BACH2: variants seen among roughly 807,000 people sequenced by gnomAD.
The protein encoded by BACH2 is BACH transcriptional regulator 2.
BACH2 carries 5 observed loss-of-function variants against 61.8 expected under a neutral mutation model. That is an observed-to-expected ratio of 0.08 (90% confidence interval 0.04 to 0.17). BACH2 has a LOEUF of 0.17. Ranked by LOEUF, BACH2 falls within the 10% of genes least tolerant of loss-of-function variation. The pLI is 1.00. For synonymous variants in BACH2, 446 were observed against 440.1 expected (o/e 1.01, Z -0.17); for missense variants, 824 against 1,091.1 (o/e 0.76, Z 3.45).
chr6:90,075,661 C>A (rs1781444176), intron 5 of BACH2, among the ~76,000 whole-genome samples: 1 of 152,120 alleles, frequency 6.6e-6, no homozygotes, highest in African/African-American at 2.4e-5. Flanking sequence ...GACCCTGTTT[C>A]AGAAAACCTG....
chr6:90,053,734 T>C (rs753342750), intron 5 of BACH2, among the ~76,000 whole-genome samples: 13 of 152,362 alleles, frequency 8.5e-5, no homozygotes, highest in Admixed American at 2.0e-4. Flanking sequence ...CTCAGAACTT[T>C]GAAAATATTT....
intron 6 of BACH2, among the ~76,000 whole-genome samples, chr6:89,988,897 A>C (rs1053185546): frequency 6.6e-6 from 1 of 152,214 alleles, no homozygotes; most frequent in Non-Finnish European, 1.5e-5. Flanking sequence ...AATGGTTAGC[A>C]CCTGACTCTG....
intron 5 of BACH2, among the ~76,000 whole-genome samples, chr6:90,035,647 A>T (rs1339788460): frequency 6.6e-6 from 1 of 151,988 alleles, no homozygotes. Context: ...CTCATTCTGG[A>T]GTATGCCAGG....
chr6:90,236,295 C>T (rs899491999), intron 3 of BACH2, among the ~76,000 whole-genome samples: 31 of 152,170 alleles, frequency 2.0e-4, no homozygotes, highest in African/African-American at 6.5e-4. Context: ...GAGGAAGGCA[C>T]GTCAACTAAC....
chr6:90,240,482 C>A (rs897714456), intron 3 of BACH2, among the ~76,000 whole-genome samples: 40 of 152,128 alleles, frequency 2.6e-4, no homozygotes, highest in African/African-American at 9.2e-4. Context: ...CATTAAATAT[C>A]CTGCTATTGT....
At chr6:90,023,556 T>C (rs1778489629) in intron 5 of BACH2, among the ~76,000 whole-genome samples, 1 of 152,162 alleles carries the variant, frequency 6.6e-6, no homozygotes, top group Non-Finnish European at 1.5e-5. Context: ...CTTTTCTTTA[T>C]AAATTACTCA....
At chr6:90,206,386 A>C (rs1432012994) in intron 4 of BACH2, among the ~76,000 whole-genome samples, 183 bp downstream of exon 4, 1 of 152,156 alleles carries the variant, frequency 6.6e-6, no homozygotes, top group Non-Finnish European at 1.5e-5. Flanking sequence ...CCAGAGGACT[A>C]CGCAGCCAGA....
Position 90,008,678 on chromosome 6 carries a change from G to A in BACH2, c.167C>T (p.Ala56Val), listed in dbSNP as rs1469024903. Reference sequence around the variant, plus strand: ...CTGCCAAAAATATTCACTGCATGCGGCCAGCACAGCCCGGTGGGCCCGGAA... The same window carrying A: ...CTGCCAAAAATATTCACTGCATGCGACCAGCACAGCCCGGTGGGCCCGGAA... ...KEFRAHRAVL[A>V]ACSEYFWQAL... The change falls in exon 6 of 9, where the codon GCC becomes GTC. Residue 56 changes from alanine to valine, a missense_variant. Around this residue, in one of 8 missense-constraint regions of BACH2, gnomAD observed 66 missense variants for 144.8 expected, o/e 0.46. Coordinates refer to ENST00000257749, the MANE Select transcript of BACH2 (RefSeq NM_021813.4). This position sits in a 1 kb window ranked among gnomAD's most constrained non-coding sequence, Gnocchi z 4.1. The A allele has an allele frequency of 1.2e-6, 2 of 1,614,162 alleles. No individual in the cohort carries two copies. The highest frequency in any genetic ancestry group is 2.2e-5 in the South Asian group (2 of 91,082).
intron 4 of BACH2, among the ~76,000 whole-genome samples, chr6:90,164,612 A>C (rs1056246940): frequency 2.0e-4 from 30 of 152,304 alleles, no homozygotes; most frequent in Admixed American, 1.8e-3. Flanking sequence ...CACAACCAAA[A>C]AAGAGAATTT....
At chr6:90,207,652 T>G (rs931057419) in intron 3 of BACH2, among the ~76,000 whole-genome samples, 2 of 152,126 alleles carry the variant, frequency 1.3e-5, no homozygotes, top group African/African-American at 4.8e-5. Context: ...TAACTGGAAC[T>G]GCAGTGCTTT....
At chr6:90,200,276 A>C (rs1455499527) in intron 4 of BACH2, among the ~76,000 whole-genome samples, 1 of 152,210 alleles carries the variant, frequency 6.6e-6, no homozygotes, top group Admixed American at 6.5e-5. Flanking sequence ...CCTAAACCAT[A>C]GTTTGGGAAC....
chr6:89,950,321 C>T lies in BACH2; in HGVS notation c.1785G>A (p.Ser595=), dbSNP rs558363430. The stretch of plus-strand genomic sequence containing the variant: ...ACGACTCACTGTCTGCTTCCGAGAA[C>T]GATCCGGATTCGTCACTGGAGTTGG... ...YGTNSSDESG[S]FSEADSESCP... Residue 595 remains serine (S), a synonymous_variant, in exon 7 of 9, where the codon TCG becomes TCA. Coordinates refer to ENST00000257749, the MANE Select transcript of BACH2 (RefSeq NM_021813.4). The surrounding 1 kb of genome is among the most constrained non-coding windows in gnomAD (Gnocchi z 5.3). 1.2e-5 allele frequency: 19 copies of T among 1,614,046 alleles called. No individual in the cohort carries two copies. Among genetic ancestry groups the T allele is most frequent in the South Asian group, 2.2e-5 (2 of 91,080 alleles).
intron 5 of BACH2, among the ~76,000 whole-genome samples, chr6:90,041,973 T>G (rs981228423): frequency 6.6e-6 from 1 of 152,200 alleles, no homozygotes. Flanking sequence ...ATTTTTCTTA[T>G]TTGCCAAAAT....
At chr6:90,147,396 C>T (rs917401134) in intron 4 of BACH2, among the ~76,000 whole-genome samples, 2 of 152,156 alleles carry the variant, frequency 1.3e-5, no homozygotes, top group African/African-American at 4.8e-5. Flanking sequence ...ATCTGCTGTT[C>T]GCAGCTTGTC....
intron 4 of BACH2, among the ~76,000 whole-genome samples, chr6:90,108,020 GAGAA>G (rs2127814842): frequency 6.6e-6 from 1 of 152,242 alleles, no homozygotes; most frequent in Non-Finnish European, 1.5e-5. Flanking sequence ...TTCTCCTACT[GAGAA>G]CTATATAAGA....
At chr6:90,282,091 T>C (rs1435302437) in intron 1 of BACH2, among the ~76,000 whole-genome samples, 1 of 152,256 alleles carries the variant, frequency 6.6e-6, no homozygotes, top group East Asian at 1.9e-4. Flanking sequence ...TCAATGTTGA[T>C]GGGCATTTAT....
chr6:90,124,043 A>C (rs1255806205), intron 4 of BACH2, among the ~76,000 whole-genome samples: 1 of 152,124 alleles, frequency 6.6e-6, no homozygotes, highest in Non-Finnish European at 1.5e-5. Flanking sequence ...ATCTCCACTT[A>C]AGGGTGGCTG....
intron 7 of BACH2, among the ~76,000 whole-genome samples, chr6:89,941,651 G>T (rs1457021223): frequency 6.6e-6 from 1 of 152,208 alleles, no homozygotes; most frequent in East Asian, 1.9e-4. Context: ...ATCCTGCACG[G>T]TGTCTCCGGA....
In BACH2 at chr6:89,964,148, C is replaced by T. The variant is rs576371445; in HGVS notation, c.244-12286G>A. Reference sequence around the variant, plus strand: ...GTGCAGCGCACCAGCATGGCACATGCATACATATGTAACTAACCTGCACAA... The same window carrying T: ...GTGCAGCGCACCAGCATGGCACATGTATACATATGTAACTAACCTGCACAA... On this transcript the variant is annotated intron_variant, in intron 6 of 8. Transcript: ENST00000257749. 6.0e-4 allele frequency among the ~76,000 whole-genome samples: 90 copies of T among 149,212 alleles called. 1 individual carries two copies. The highest frequency in any genetic ancestry group is 3.3e-3 in the Admixed American group (49 of 14,892).
Sources: allele counts gnomAD v4.1 joint callset (sites outside exome capture counted in the v4.1 genomes callset), GRCh38; gene constraint gnomAD v4.1.1; regional missense constraint gnomAD v4.1.1; non-coding constraint Gnocchi (gnomAD v3.1); transcripts MANE v1.5; gene names NCBI Gene and HGNC (gene_info 2026-07-23, HGNC 2026-07-21).